GRM8: variants seen among roughly 807,000 people sequenced by gnomAD.
The protein encoded by GRM8 is glutamate metabotropic receptor 8.
In GRM8, 47 loss-of-function variants were observed where a neutral mutation model predicts 87.2. The observed-to-expected ratio is 0.54, with a 90% CI of 0.43 to 0.69. The LOEUF is 0.69. Ranked by LOEUF, GRM8 falls within the 30% of genes least tolerant of loss-of-function variation. The pLI, the probability that GRM8 is intolerant of heterozygous loss-of-function variation, is 0.00. For synonymous variants in GRM8, 396 were observed against 404.5 expected (o/e 0.98, Z 0.25); for missense variants, 1,019 against 1,139.2 (o/e 0.89, Z 1.52).
At chr7:126,595,426 T>TTA (rs199999668) in intron 8 of GRM8, among the ~76,000 whole-genome samples, 29 of 60,604 alleles carry the variant, frequency 4.8e-4, no homozygotes, top group East Asian at 4.0e-3. Flanking sequence ...TTATTTTATT[T>TTA]TATTATTTTA....
chr7:126,782,478 A>G (rs893701503), intron 6 of GRM8, among the ~76,000 whole-genome samples: 1 of 152,212 alleles, frequency 6.6e-6, no homozygotes, highest in Non-Finnish European at 1.5e-5. Context: ...GAAATCACTG[A>G]ATGAGTTTGC....
intron 7 of GRM8, among the ~76,000 whole-genome samples, chr7:126,665,279 T>C (rs1244357990): frequency 6.6e-6 from 1 of 152,158 alleles, no homozygotes. Context: ...TAAATCATTC[T>C]ACCAAAAAGA....
At chr7:127,189,657 G>T (rs1186083936) in intron 2 of GRM8, among the ~76,000 whole-genome samples, 1 of 152,150 alleles carries the variant, frequency 6.6e-6, no homozygotes, top group Admixed American at 6.6e-5. Context: ...ACAAAGGAAA[G>T]GAGGTAAAAC....
At chr7:126,542,792 A>G (rs10269745) in intron 8 of GRM8, among the ~76,000 whole-genome samples, 3,333 of 152,308 alleles carry the variant, frequency 0.022, 111 homozygotes, top group African/African-American at 0.075. Flanking sequence ...TAGAGAAATC[A>G]CTGTGGTGAC....
At chr7:127,204,985 C>T (rs1037114547) in intron 2 of GRM8, among the ~76,000 whole-genome samples, 2 of 152,272 alleles carry the variant, frequency 1.3e-5, no homozygotes, top group Middle Eastern at 3.4e-3. Context: ...TAGAGGATGA[C>T]GCTGACAGCG....
intron 6 of GRM8, among the ~76,000 whole-genome samples, chr7:126,796,578 G>A (rs1240375294): frequency 6.6e-6 from 1 of 151,908 alleles, no homozygotes; most frequent in Non-Finnish European, 1.5e-5. Context: ...GGAACCTGGT[G>A]ATTTAGTGTT....
At chr7:126,672,374 G>C (rs1806474031) in intron 7 of GRM8, among the ~76,000 whole-genome samples, 1 of 152,102 alleles carries the variant, frequency 6.6e-6, no homozygotes, top group African/African-American at 2.4e-5. Context: ...AGGAACCAGG[G>C]ATGCCTGCTC....
intron 8 of GRM8, among the ~76,000 whole-genome samples, chr7:126,591,652 T>C (rs549005263): frequency 5.9e-5 from 9 of 151,862 alleles, no homozygotes; most frequent in African/African-American, 1.9e-4. Flanking sequence ...GGAAAGTTCA[T>C]AGCAATAAAT....
chr7:126,883,774 T>C (rs1313267288), intron 6 of GRM8, among the ~76,000 whole-genome samples: 1 of 152,144 alleles, frequency 6.6e-6, no homozygotes, highest in Non-Finnish European at 1.5e-5. Flanking sequence ...AAGACTATCA[T>C]GCAATTATAT....
At chr7:126,934,025 T>C (rs1806030884) in intron 3 of GRM8, among the ~76,000 whole-genome samples, 1 of 152,192 alleles carries the variant, frequency 6.6e-6, no homozygotes, top group Admixed American at 6.5e-5. Context: ...ATTGTTCCTT[T>C]TGTATGCCCC....
chr7:127,018,399 A>C (rs1395960687), intron 3 of GRM8, among the ~76,000 whole-genome samples: 1 of 150,994 alleles, frequency 6.6e-6, no homozygotes, highest in Non-Finnish European at 1.5e-5. Flanking sequence ...GAGCCCCCTG[A>C]AAATCTTAAA....
At chr7:127,251,211 A>G (rs1798847074) in intron 1 of GRM8, 1 of 152,184 alleles carries the variant, frequency 6.6e-6, no homozygotes, top group Admixed American at 6.5e-5. Flanking sequence ...CAGGCTTCAC[A>G]GTTTGGGCCA....
intron 6 of GRM8, among the ~76,000 whole-genome samples, chr7:126,882,562 G>A (rs184789012): frequency 4.5e-4 from 68 of 152,194 alleles, no homozygotes; most frequent in African/African-American, 1.5e-3. Flanking sequence ...TAAAAGCTAA[G>A]AGGAGAACAT....
Position 126,900,788 on chromosome 7 carries a change from G to A in GRM8, c.1156+1754C>T, listed in dbSNP as rs2131186252. On this transcript the variant is annotated intron_variant, in intron 6 of 10. Transcript: ENST00000339582. ...GCCTCCCAAAGTGCTAGGATTACAG[G>A]TTTGCACCACCGTGCCCGGCCCCTA... is the stretch of plus-strand genomic sequence containing the variant. Among the ~76,000 whole-genome samples, 3 of 152,274 alleles carry A rather than the reference G, an allele frequency of 2.0e-5. No individual in the cohort carries two copies. The South Asian group carries it at 6.2e-4, about 32-fold the overall frequency.
At chr7:126,738,948 A>G (rs2237767) in intron 7 of GRM8, among the ~76,000 whole-genome samples, 53,897 of 151,758 alleles carry the variant, frequency 0.36, 9,923 homozygotes, top group Middle Eastern at 0.45. Context: ...TTAACAACAT[A>G]ACTTAGGATG....
rs73227002 is a variant in GRM8, at chr7:126,780,832, T to C, written c.1157-10767A>G. 7.3e-3 allele frequency among the ~76,000 whole-genome samples: 1,104 copies of C among 152,234 alleles called. 5 individuals carry two copies. The highest frequency in any genetic ancestry group is 0.013 in the Admixed American group (196 of 15,282). On this transcript the variant is annotated intron_variant, in intron 6 of 10. Coordinates refer to ENST00000339582, the MANE Select transcript of GRM8 (RefSeq NM_000845.3). Reference sequence around the variant, plus strand: ...GCCATCAAAAGGTAACATAACCAGATTTCCAGTTCTAAAAGAGCACTGAGT... The same window carrying C: ...GCCATCAAAAGGTAACATAACCAGACTTCCAGTTCTAAAAGAGCACTGAGT...
intron 9 of GRM8, among the ~76,000 whole-genome samples, chr7:126,450,164 G>A (rs1310315085): frequency 6.6e-6 from 1 of 151,782 alleles, no homozygotes; most frequent in Non-Finnish European, 1.5e-5. Flanking sequence ...AAGACTCCAG[G>A]AAGAGTGAGG....
intron 7 of GRM8, among the ~76,000 whole-genome samples, chr7:126,673,735 C>T (rs1324177658): frequency 6.6e-6 from 1 of 152,058 alleles, no homozygotes; most frequent in Non-Finnish European, 1.5e-5. Context: ...TTTAATCCCT[C>T]CTAATGTGTT....
intron 7 of GRM8, among the ~76,000 whole-genome samples, chr7:126,766,434 A>G (rs1191762327): frequency 1.3e-5 from 2 of 152,284 alleles, no homozygotes; most frequent in South Asian, 4.1e-4. Context: ...TTATCTATAC[A>G]AAAATTAAAC....
Sources: allele counts gnomAD v4.1 joint callset (sites outside exome capture counted in the v4.1 genomes callset), GRCh38; gene constraint gnomAD v4.1.1; transcripts MANE v1.5; gene names NCBI Gene and HGNC (gene_info 2026-07-23, HGNC 2026-07-21).